Variants in BICDL1 observed in about 807,000 individuals in gnomAD.
BICDL1 encodes BICD family-like cargo adapter 1.
Under a neutral mutation model 76.8 loss-of-function variants are expected in BICDL1, and 20 were observed. That is an observed-to-expected ratio of 0.26 (90% CI 0.18 to 0.38). The LOEUF is 0.38. Among genes scored for constraint, BICDL1 ranks in the 10% least tolerant of loss-of-function variants. BICDL1 has a pLI of 1.00. For missense variants in BICDL1, 700 were observed against 798.6 expected (o/e 0.88, Z 1.49); for synonymous variants, 383 against 337.1 (o/e 1.14, Z -1.49).
chr12:119,991,392 A>G (rs932908632), intron 1 of BICDL1, among the ~76,000 whole-genome samples: 7 of 152,216 alleles, frequency 4.6e-5, no homozygotes, highest in Non-Finnish European at 7.3e-5. Flanking sequence ...AAGTATGCCT[A>G]TAGTCCAGCG....
chr12:120,089,375 CGT>C (rs146342326), intron 8 of BICDL1, among the ~76,000 whole-genome samples: 107 of 148,636 alleles, frequency 7.2e-4, no homozygotes, highest in African/African-American at 1.9e-3. Flanking sequence ...GCTCTTTCAA[CGT>C]GTGTGTGTGT....
At chr12:120,091,510 T>C in intron 9 of BICDL1, 1 of 984,290 alleles carries the variant, frequency 1.0e-6, no homozygotes, top group Non-Finnish European at 1.2e-6. Flanking sequence ...ACTAGACCCT[T>C]ATAAGGAGGG....
At chr12:120,059,363 G>A (rs1020899686) in intron 2 of BICDL1, among the ~76,000 whole-genome samples, 18 of 152,004 alleles carry the variant, frequency 1.2e-4, no homozygotes, top group African/African-American at 1.9e-4. Flanking sequence ...TCCACCTCCC[G>A]TGTCCCAGTT....
intron 8 of BICDL1, among the ~76,000 whole-genome samples, chr12:120,088,129 TC>T (rs1201598768): frequency 6.6e-6 from 1 of 151,948 alleles, no homozygotes; most frequent in Non-Finnish European, 1.5e-5. Context: ...GCGGGGTTTC[TC>T]CTTGTTGGTC....
chr12:120,036,849 C>G (rs974460599), intron 2 of BICDL1, among the ~76,000 whole-genome samples: 1 of 152,214 alleles, frequency 6.6e-6, no homozygotes, highest in Non-Finnish European at 1.5e-5. Context: ...GTGCTCCAGC[C>G]TGGGTGACAG....
chr12:120,058,006 T>C (rs1953017644), intron 2 of BICDL1, among the ~76,000 whole-genome samples: 1 of 151,844 alleles, frequency 6.6e-6, no homozygotes, highest in Non-Finnish European at 1.5e-5. Context: ...AATTTTTTTT[T>C]GTATTTTTAG....
intron 2 of BICDL1, among the ~76,000 whole-genome samples, chr12:120,008,240 C>A (rs1030258335): frequency 4.0e-5 from 6 of 148,970 alleles, no homozygotes; most frequent in Non-Finnish European, 8.9e-5. Flanking sequence ...CTCACTATAG[C>A]CTTGACCTCC....
intron 9 of BICDL1, chr12:120,091,504 G>A: frequency 1.0e-6 from 1 of 986,544 alleles, no homozygotes; most frequent in Non-Finnish European, 1.2e-6. Flanking sequence ...TCATATACTA[G>A]ACCCTTATAA....
intron 8 of BICDL1, among the ~76,000 whole-genome samples, chr12:120,084,378 C>G (rs750784955): frequency 2.6e-5 from 4 of 152,252 alleles, no homozygotes; most frequent in Non-Finnish European, 2.9e-5. Context: ...GATGAGGAAA[C>G]TAAGAAATAC....
chr12:120,089,079 G>GT (rs1310445812), intron 8 of BICDL1, among the ~76,000 whole-genome samples: 1 of 152,218 alleles, frequency 6.6e-6, no homozygotes, highest in Non-Finnish European at 1.5e-5. Context: ...GCACACCTCT[G>GT]TATCTTCAGG....
At chr12:120,026,734 T>C (rs1013651160) in intron 2 of BICDL1, among the ~76,000 whole-genome samples, 5 of 152,232 alleles carry the variant, frequency 3.3e-5, no homozygotes, top group African/African-American at 1.2e-4. Flanking sequence ...AGCAGGAGTT[T>C]TCTGCTGCAG....
intron 2 of BICDL1, among the ~76,000 whole-genome samples, chr12:120,050,277 C>A (rs923308185): frequency 2.9e-5 from 3 of 103,834 alleles, no homozygotes; most frequent in Non-Finnish European, 4.1e-5. Flanking sequence ...CTTTTTTTTT[C>A]TTTTTTTGAG....
intron 2 of BICDL1, among the ~76,000 whole-genome samples, chr12:120,015,053 C>A (rs1235703304): frequency 1.3e-5 from 2 of 152,082 alleles, no homozygotes; most frequent in Non-Finnish European, 2.9e-5. Flanking sequence ...AAAGCTGAAA[C>A]CCTCAAGAGA....
At chr12:120,037,027 A>C (rs1462876007) in intron 2 of BICDL1, among the ~76,000 whole-genome samples, 1 of 152,222 alleles carries the variant, frequency 6.6e-6, no homozygotes, top group African/African-American at 2.4e-5. Context: ...TGAGTGTTTT[A>C]ATATATGTGT....
At chr12:120,090,980 G>A (rs1272059269) in intron 9 of BICDL1, 23 of 1,288,622 alleles carry the variant, frequency 1.8e-5, no homozygotes, top group East Asian at 1.7e-4. Context: ...CTCAGTTCCC[G>A]TATCAACAGC....
chr12:120,026,293 T>G (rs1182680945), intron 2 of BICDL1, among the ~76,000 whole-genome samples: 2 of 152,206 alleles, frequency 1.3e-5, no homozygotes, highest in Non-Finnish European at 2.9e-5. Context: ...TTTAAATACT[T>G]TAGAAAAAAT....
intron 8 of BICDL1, among the ~76,000 whole-genome samples, chr12:120,086,016 AAAG>A (rs908246319): frequency 4.0e-5 from 6 of 151,700 alleles, no homozygotes; most frequent in Non-Finnish European, 1.5e-5. Context: ...AAAAAAAAAA[AAAG>A]TAAAACCTAG....
rs995740343 is a variant in BICDL1, at chr12:119,990,447, A to T, written c.429+150A>T. 48 of 1,427,382 alleles carry T rather than the reference A, an allele frequency of 3.4e-5. 1 individual carries two copies. The highest frequency in any genetic ancestry group is 5.0e-4 in the Middle Eastern group (2 of 4,034). 88.4% of individuals were successfully genotyped at this position (1,427,382 alleles called of 1,614,324 possible). A position where few individuals can be genotyped will look rare whatever the true frequency, so the allele number is the denominator to read the frequency against. On this transcript the variant is annotated intron_variant, in intron 1 of 9. Coordinates refer to ENST00000548673, the MANE Select transcript of BICDL1 (RefSeq NM_001367886.1). The stretch of plus-strand genomic sequence containing the variant: ...ATGAATGGGGGAGGGAGGATGGAGG[A>T]TTATCAGATTTCGTTGAACCCACTT...
chr12:120,081,194 T>C (rs908912306), intron 8 of BICDL1, among the ~76,000 whole-genome samples, 177 bp downstream of exon 8: 1 of 88,244 alleles, frequency 1.1e-5, no homozygotes, highest in Non-Finnish European at 2.1e-5. Flanking sequence ...CCCAGACACA[T>C]GCTGGTATTG....
Sources: allele counts gnomAD v4.1 joint callset (sites outside exome capture counted in the v4.1 genomes callset), GRCh38; gene constraint gnomAD v4.1.1; transcripts MANE v1.5; gene names NCBI Gene and HGNC (gene_info 2026-07-23, HGNC 2026-07-21).